The following KDM6A variants were observed in gnomAD, a reference collection of about 807,000 sequenced individuals.
The protein encoded by KDM6A is lysine-specific demethylase 6A.
KDM6A carries 11 observed loss-of-function variants against 117.6 expected under a neutral mutation model. The observed-to-expected ratio is 0.09, with a 90% CI of 0.06 to 0.15. KDM6A has a LOEUF of 0.15. KDM6A is among the 10% of genes least tolerant of loss of function. KDM6A has a pLI of 1.00. For synonymous variants in KDM6A, 384 were observed against 396.1 expected (o/e 0.97, Z 0.36); for missense variants, 799 against 1,077.3 (o/e 0.74, Z 3.62).
chrX:45,052,465 T>G (rs2043896541), intron 9 of KDM6A, among the ~76,000 whole-genome samples: 1 of 111,954 alleles, frequency 8.9e-6, no homozygotes, highest in African/African-American at 3.2e-5. Flanking sequence ...TGTAACTATT[T>G]TTACATAGTT....
intron 4 of KDM6A, among the ~76,000 whole-genome samples, chrX:44,991,823 A>T (rs2147404819): frequency 9.2e-6 from 1 of 108,600 alleles, no homozygotes; most frequent in East Asian, 2.9e-4. Context: ...AGTAGCTGGG[A>T]TTACAGCTGT....
At chrX:44,919,838 G>T (rs193127375) in intron 2 of KDM6A, among the ~76,000 whole-genome samples, 43 of 110,544 alleles carry the variant, frequency 3.9e-4, no homozygotes, top group African/African-American at 1.3e-3. Context: ...TTGAACTCCT[G>T]ACCTCAAGTG....
chrX:44,919,698 T>C (rs1234294934), intron 2 of KDM6A, among the ~76,000 whole-genome samples: 1 of 105,285 alleles, frequency 9.5e-6, no homozygotes, highest in Non-Finnish European at 1.9e-5. Context: ...TGGAGTGCAG[T>C]GGCACGATCT....
Position 44,935,689 on chromosome X carries a change from C to G in KDM6A, c.226-25595C>G, listed in dbSNP as rs371332710. Among the ~76,000 whole-genome samples the G allele has an allele frequency of 9.0e-5, 10 of 111,332 alleles. No homozygotes were observed. In the East Asian group the frequency reaches 1.1e-3, roughly 13 times the overall value. On this transcript the variant is annotated intron_variant, in intron 2 of 29. Coordinates refer to ENST00000611820, the MANE Select transcript of KDM6A (RefSeq NM_001291415.2). Reference sequence around the variant, plus strand: ...CAGAGTCTATCTACTACACTTAGCTCTCATGGCATTAAAAAAGGCAAAGCA... The same window carrying G: ...CAGAGTCTATCTACTACACTTAGCTGTCATGGCATTAAAAAAGGCAAAGCA...
At chrX:45,046,724 G>A (rs1287125920) in intron 8 of KDM6A, among the ~76,000 whole-genome samples, 1 of 111,496 alleles carries the variant, frequency 9.0e-6, no homozygotes, top group African/African-American at 3.3e-5. Flanking sequence ...GATAAAACGG[G>A]TGGGAGGATT....
intron 4 of KDM6A, among the ~76,000 whole-genome samples, chrX:44,991,725 T>A (rs1479084417): frequency 8.9e-6 from 1 of 112,123 alleles, no homozygotes; most frequent in African/African-American, 3.2e-5. Context: ...TCACTCTTGT[T>A]GCTCAGGCTG....
rs113286395 is a variant in KDM6A, at chrX:45,082,388, C to T, written c.3301-188C>T. 0.014 allele frequency: 5,917 copies of T among 422,807 alleles called. 285 individuals are homozygous for T. Among genetic ancestry groups the T allele is most frequent in the African/African-American group, 0.13 (5,321 of 39,681 alleles). The allele number at this position is 422,807 out of a possible 1,213,427, so 34.8% of individuals were successfully genotyped here. A position where few individuals can be genotyped will look rare whatever the true frequency, so the allele number is the denominator to read the frequency against. ...GGCAGAGGTTGCAGTGAGCCGGGGT[C>T]GCACCACTGCACTCCAGCCTGGTCA... On this transcript the variant is annotated intron_variant, in intron 21 of 29. Coordinates refer to ENST00000611820, the MANE Select transcript of KDM6A (RefSeq NM_001291415.2).
At chrX:45,033,461 A>G (rs776031090) in intron 6 of KDM6A, among the ~76,000 whole-genome samples, 4 of 112,292 alleles carry the variant, frequency 3.6e-5, no homozygotes, top group African/African-American at 1.3e-4. Flanking sequence ...AGGGCATTAT[A>G]GACTCTTGAC....
At position 45,055,315 on chromosome X, in the gene KDM6A, TATTA is replaced by T. The variant is rs1208481614; in HGVS notation, c.875+1363_875+1366del. ...TGTAATATTACTTTAATTAAAGTAA[TATTA>T]ATATGGTTCCTTCCCTAAAAATATT... is the stretch of plus-strand genomic sequence containing the variant. On this transcript the variant is annotated intron_variant, in intron 10 of 29. Coordinates refer to ENST00000611820, the MANE Select transcript of KDM6A (RefSeq NM_001291415.2). Among the ~76,000 whole-genome samples, 4 of 110,869 alleles carry T rather than the reference TATTA, an allele frequency of 3.6e-5. No homozygotes were observed. The Admixed American group carries it at 3.9e-4, about 11-fold the overall frequency.
intron 27 of KDM6A, among the ~76,000 whole-genome samples, chrX:45,102,758 C>T (rs1413550791): frequency 9.0e-6 from 1 of 111,573 alleles, no homozygotes; most frequent in African/African-American, 3.3e-5. Flanking sequence ...TGCTTTTTTC[C>T]CCCCATCTAG....
chrX:44,984,637 C>T (rs1307388117), intron 4 of KDM6A, among the ~76,000 whole-genome samples: 3 of 111,587 alleles, frequency 2.7e-5, no homozygotes, highest in Non-Finnish European at 5.6e-5. Context: ...TATGGCTAGC[C>T]AGTTTTCCCA....
intron 4 of KDM6A, among the ~76,000 whole-genome samples, chrX:44,982,350 A>G (rs1178408367): frequency 9.0e-6 from 1 of 111,345 alleles, no homozygotes; most frequent in Non-Finnish European, 1.9e-5. Flanking sequence ...TATAACCCTA[A>G]TTTTATAAAG....
intron 4 of KDM6A, among the ~76,000 whole-genome samples, chrX:45,002,937 G>C (rs2041227300): frequency 1.1e-5 from 1 of 93,820 alleles, no homozygotes; most frequent in South Asian, 5.1e-4. Context: ...AAGGCCACAA[G>C]ATTAGAAGTT....
At chrX:45,036,221 C>T (rs1048086531) in intron 7 of KDM6A, among the ~76,000 whole-genome samples, 4 of 111,470 alleles carry the variant, frequency 3.6e-5, no homozygotes, top group African/African-American at 9.8e-5. Context: ...TGCACTCAAG[C>T]GATCTTCCTG....
At chrX:45,069,043 G>C (rs2044699083) in intron 17 of KDM6A, among the ~76,000 whole-genome samples, 1 of 110,519 alleles carries the variant, frequency 9.0e-6, no homozygotes, top group African/African-American at 3.3e-5. Context: ...GGAAACTTTA[G>C]GTATTTTTTG....
Position 45,098,283 on chromosome X carries a change from G to T in KDM6A, c.4034+7419G>T, listed in dbSNP as rs750564048. Among the ~76,000 whole-genome samples the T allele has an allele frequency of 2.7e-5, 3 of 112,313 alleles. No homozygotes were observed. In the South Asian group the frequency reaches 1.1e-3, roughly 41 times the overall value. On this transcript the variant is annotated intron_variant, in intron 27 of 29. Transcript: ENST00000611820. ...AAATAATGGTCAAATTTGCATGTTG[G>T]ATCACTTGGTAGCAAGATGAAGCAT...
chrX:45,068,414 C>A (rs2044635306), intron 17 of KDM6A, among the ~76,000 whole-genome samples: 1 of 110,569 alleles, frequency 9.0e-6, no homozygotes, highest in Non-Finnish European at 1.9e-5. Flanking sequence ...CTTAAAACTT[C>A]TATTAACTGT....
chrX:44,873,760 C>G lies in KDM6A; in HGVS notation c.161+48C>G, dbSNP rs772165213. On this transcript the variant is annotated intron_variant, in intron 1 of 29. Coordinates refer to ENST00000611820, the MANE Select transcript of KDM6A (RefSeq NM_001291415.2). ...CGGTCGGCTCCGGACGGGCAGTAGC[C>G]GCTCTCCCGGGAGGACCGAGCGCGG... 2.6e-6 allele frequency: 3 copies of G among 1,158,110 alleles called. No homozygotes were observed. The East Asian group carries it at 9.8e-5, about 38-fold the overall frequency.
chrX:45,050,344 AAAAC>A (rs1171962145), intron 8 of KDM6A, among the ~76,000 whole-genome samples: 23 of 112,616 alleles, frequency 2.0e-4, no homozygotes, highest in African/African-American at 5.2e-4. Flanking sequence ...CCGTCTCAAA[AAAAC>A]AAACAAACGA....
Sources: gnomAD v4.1 joint callset for allele counts (sites outside exome capture counted in the v4.1 genomes callset) on GRCh38, gnomAD v4.1.1 for gene constraint, MANE v1.5 for transcripts, NCBI Gene and HGNC (gene_info 2026-07-23, HGNC 2026-07-21) for gene names.